Variants in DENND5A observed in about 807,000 individuals in gnomAD.
DENND5A encodes the protein DENN domain containing 5A, also known as DENN domain-containing protein 5A.
DENND5A carries 64 observed loss-of-function variants against 140.3 expected under a neutral mutation model. The ratio of observed to expected loss-of-function variants is 0.46; its 90% CI spans 0.37 to 0.56. DENND5A has a LOEUF of 0.56. DENND5A is among the 20% of genes least tolerant of loss of function. The pLI, the probability that DENND5A is intolerant of heterozygous loss-of-function variation, is 0.00. For synonymous variants in DENND5A, 605 were observed against 607.7 expected, an observed-to-expected ratio of 1.00 and a Z score of 0.07; for missense variants, 1,292 against 1,593.8, an observed-to-expected ratio of 0.81 and a Z score of 3.22.
Position 9,265,084 on chromosome 11 carries a change from G to C in DENND5A, c.-15C>G. 1 of 1,497,972 alleles carries C rather than the reference G, an allele frequency of 6.7e-7. No individual in the cohort carries two copies. Among genetic ancestry groups the C allele is most frequent in the South Asian group, 1.2e-5 (1 of 80,064 alleles). 92.8% of individuals were successfully genotyped at this position (1,497,972 alleles called of 1,614,324 possible). On this transcript the variant is annotated 5_prime_UTR_variant, in exon 1 of 23. Transcript: ENST00000328194. This position sits in a 1 kb window ranked among gnomAD's most constrained non-coding sequence, Gnocchi z 4.7. ...CCGCCACTCATGGCGCCGGGGCCGA[G>C]ACCGGCCGGGCAGTGCGGAGCGGCA...
intron 8 of DENND5A, chr11:9,172,372 G>C (rs527761353): frequency 6.6e-6 from 1 of 152,170 alleles, no homozygotes; most frequent in Admixed American, 6.5e-5. Context: ...TTTGTATATA[G>C]AGAAGATCAA....
At chr11:9,147,729 C>T (rs1847480878) in intron 15 of DENND5A, among the ~76,000 whole-genome samples, 1 of 152,202 alleles carries the variant, frequency 6.6e-6, no homozygotes, top group Non-Finnish European at 1.5e-5. Context: ...CATATCCTTC[C>T]CCTTTTTTCA....
At chr11:9,188,366 C>T (rs1324119377) in intron 5 of DENND5A, among the ~76,000 whole-genome samples, 3 of 152,130 alleles carry the variant, frequency 2.0e-5, no homozygotes, top group South Asian at 2.1e-4. Context: ...TCTTTATCAG[C>T]AACATGAGAA....
At chr11:9,139,887 A>G in intron 22 of DENND5A, 33 bp from the exon 23 acceptor site, 1 of 1,602,184 alleles carries the variant, frequency 6.2e-7, no homozygotes. Flanking sequence ...GGCAGGTCAG[A>G]GGGGCAAAGG....
At position 9,144,304 on chromosome 11, in the gene DENND5A, G is replaced by A. The variant is rs757524188; in HGVS notation, c.3123-26C>T. On this transcript the variant is annotated intron_variant, in intron 18 of 22. Transcript: ENST00000328194. ...CTGAAGATCAGACAATGGACTGTCA[G>A]AGCAGCCAGCTCCTCCCTGCTGCTC... The A allele has an allele frequency of 3.1e-6, 5 of 1,611,810 alleles. No homozygotes were observed. In the South Asian group the frequency reaches 4.4e-5, roughly 14 times the overall value.
chr11:9,143,072 A>G lies in DENND5A; in HGVS notation c.3388-227T>C, dbSNP rs1206003755. ...AGATGATGGATCTGGGTCACACACAAGGAGATTCTCCACTGGAGGACAAAG... is the reference window on the plus strand; with the variant it reads ...AGATGATGGATCTGGGTCACACACAGGGAGATTCTCCACTGGAGGACAAAG... On this transcript the variant is annotated intron_variant, in intron 20 of 22. Coordinates refer to ENST00000328194, the MANE Select transcript of DENND5A (RefSeq NM_015213.4). 3 of 613,598 alleles carry G rather than the reference A, an allele frequency of 4.9e-6. No homozygotes were observed. In the South Asian group the frequency reaches 6.5e-5, roughly 13 times the overall value. 38.0% of individuals were successfully genotyped at this position (613,598 alleles called of 1,614,324 possible).
At chr11:9,229,899 C>CTTTTTTTTTT (rs71062816) in intron 1 of DENND5A, among the ~76,000 whole-genome samples, 4 of 64,908 alleles carry the variant, frequency 6.2e-5, no homozygotes, top group Non-Finnish European at 7.9e-5. Flanking sequence ...GCTCCCATTT[C>CTTTTTTTTTT]TTTTTTTTTT....
intron 1 of DENND5A, among the ~76,000 whole-genome samples, chr11:9,216,483 A>G (rs932403958): frequency 1.2e-4 from 18 of 152,242 alleles, no homozygotes; most frequent in Non-Finnish European, 2.2e-4. Context: ...CTGATGGATG[A>G]ATGGTTACCA....
At chr11:9,200,079 G>A (rs970002401) in intron 4 of DENND5A, among the ~76,000 whole-genome samples, 3 of 152,074 alleles carry the variant, frequency 2.0e-5, no homozygotes, top group South Asian at 2.1e-4. Context: ...TTCTTATTAT[G>A]GATACAGTAA....
Position 9,141,982 on chromosome 11 carries a change from C to A in DENND5A, c.3638G>T (p.Gly1213Val). ...TAINNTPRNI[G>V]KDGKFQMLVC... ...CAGCATCTGAAACTTGCCATCCTTG[C>A]CGATGTTCCGGGGAGTATTGTTGAT... The change falls in exon 22 of 23, where the codon GGC (glycine) becomes GTC (valine). Residue 1213 changes from glycine (G) to valine (V), a missense_variant. Gly to Val is a moderately radical substitution (Grantham distance 109). Around this residue, in one of 4 missense-constraint regions of DENND5A, gnomAD observed 498 missense variants for 689.7 expected, o/e 0.72. Coordinates refer to ENST00000328194, the MANE Select transcript of DENND5A (RefSeq NM_015213.4). 1 of 1,603,444 alleles carries A rather than the reference C, an allele frequency of 6.2e-7. No homozygotes were observed. The highest frequency in any genetic ancestry group is 8.5e-7 in the Non-Finnish European group (1 of 1,175,072).
At chr11:9,162,109 G>C (rs1306304567) in intron 11 of DENND5A, among the ~76,000 whole-genome samples, 1 of 151,100 alleles carries the variant, frequency 6.6e-6, no homozygotes, top group African/African-American at 2.4e-5. Flanking sequence ...CTACTTTTCA[G>C]AAGCAACAAC....
chr11:9,185,430 A>G (rs1314338508), intron 5 of DENND5A, among the ~76,000 whole-genome samples: 1 of 152,150 alleles, frequency 6.6e-6, no homozygotes, highest in African/African-American at 2.4e-5. Context: ...CCATTATTAA[A>G]TAGCTCTTCC....
intron 1 of DENND5A, among the ~76,000 whole-genome samples, chr11:9,226,999 T>C (rs2093543087): frequency 1.3e-5 from 2 of 151,850 alleles, no homozygotes; most frequent in South Asian, 2.1e-4. Context: ...AGAAACCCTG[T>C]CTCTACTAAA....
intron 11 of DENND5A, 27 bp from the exon 12 acceptor site, chr11:9,160,892 A>T (rs766595056): frequency 1.2e-6 from 2 of 1,611,060 alleles, no homozygotes; most frequent in Non-Finnish European, 1.7e-6. Context: ...AACAGGATTA[A>T]ATAACCACAG....
chr11:9,234,634 G>C (rs1315601765), intron 1 of DENND5A, among the ~76,000 whole-genome samples: 1 of 152,172 alleles, frequency 6.6e-6, no homozygotes, highest in African/African-American at 2.4e-5. Context: ...GGGTTTACCA[G>C]AATGAGGGCA....
chr11:9,224,805 C>T (rs1850464300), intron 1 of DENND5A, among the ~76,000 whole-genome samples: 1 of 150,772 alleles, frequency 6.6e-6, no homozygotes, highest in African/African-American at 2.4e-5. Flanking sequence ...TTGCAGTGAG[C>T]CAAGATCGCG....
Position 9,165,894 on chromosome 11 carries a change from A to C in DENND5A, c.2225T>G (p.Val742Gly). ...QPKLSNLSPS[V>G]IAQTNWKFVE... ...AAACTTCCAATTGGTCTGGGCAATCACTGATGGAGAGAGGTTGGACAGTTT... is the reference window on the plus strand; with the variant it reads ...AAACTTCCAATTGGTCTGGGCAATCCCTGATGGAGAGAGGTTGGACAGTTT... Residue 742 changes from valine to glycine, a missense_variant, in exon 11 of 23, where the codon GTG becomes GGG. Transcript: ENST00000328194. 2 of 1,614,032 alleles carry C rather than the reference A, an allele frequency of 1.2e-6. No homozygotes were observed. The highest frequency in any genetic ancestry group is 1.7e-6 in the Non-Finnish European group (2 of 1,179,972).
At chr11:9,181,128 A>AT in intron 5 of DENND5A, 44 bp from the exon 6 acceptor site, 4 of 1,549,222 alleles carry the variant, frequency 2.6e-6, no homozygotes, top group Non-Finnish European at 3.5e-6. Context: ...ACTCCAGAGC[A>AT]TTACAGGAAG....
intron 5 of DENND5A, among the ~76,000 whole-genome samples, chr11:9,186,949 C>T (rs1191952393): frequency 5.3e-5 from 8 of 151,946 alleles, no homozygotes; most frequent in African/African-American, 1.5e-4. Context: ...CCAGGCATTG[C>T]GGTGTGTGCC....
Sources: allele counts gnomAD v4.1 joint callset (sites outside exome capture counted in the v4.1 genomes callset), GRCh38; gene constraint gnomAD v4.1.1; regional missense constraint gnomAD v4.1.1; non-coding constraint Gnocchi (gnomAD v3.1); transcripts MANE v1.5; gene names NCBI Gene and HGNC (gene_info 2026-07-23, HGNC 2026-07-21).